The following MAML3 variants were observed in gnomAD, a reference collection of about 807,000 sequenced individuals.
MAML3 encodes mastermind-like protein 3.
A neutral mutation model predicts 101.9 loss-of-function variants in MAML3; 27 were observed. That is an observed-to-expected ratio of 0.27 (90% CI 0.20 to 0.37). MAML3 has a LOEUF of 0.37. MAML3 is among the 10% of genes least tolerant of loss of function. The probability of loss-of-function intolerance (pLI) is 1.00; values close to 1 mark genes in which losing one functional copy is unlikely to be tolerated. For synonymous variants in MAML3, 501 were observed against 555.9 expected (o/e 0.90, Z 1.39); for missense variants, 1,316 against 1,444.9 (o/e 0.91, Z 1.45).
chr4:139,992,588 C>T (rs527624506), intron 1 of MAML3, among the ~76,000 whole-genome samples: 17 of 152,072 alleles, frequency 1.1e-4, no homozygotes, highest in South Asian at 8.3e-4. Context: ...TGCAGTGGTG[C>T]GATCTCAGCT....
chr4:139,731,047 C>A (rs966666165), intron 2 of MAML3: 2 of 206,430 alleles, frequency 9.7e-6, no homozygotes, highest in Non-Finnish European at 2.0e-5. Flanking sequence ...CCTGACCTCA[C>A]CTGTTAATCC....
At chr4:139,864,407 G>A (rs187695651) in intron 2 of MAML3, among the ~76,000 whole-genome samples, 190 of 152,212 alleles carry the variant, frequency 1.2e-3, no homozygotes, top group African/African-American at 3.9e-3. Context: ...GGCCAGGTGC[G>A]GCGGCTCACG....
At chr4:139,933,089 A>C (rs1259043582) in intron 1 of MAML3, among the ~76,000 whole-genome samples, 1 of 152,154 alleles carries the variant, frequency 6.6e-6, no homozygotes, top group East Asian at 1.9e-4. Flanking sequence ...GAAACTAAGA[A>C]ATTCCTATGA....
chr4:140,054,248 A>G (rs1727315043), intron 1 of MAML3, among the ~76,000 whole-genome samples: 1 of 151,876 alleles, frequency 6.6e-6, no homozygotes, highest in South Asian at 2.1e-4. Context: ...GCATGCCTGT[A>G]ATCCCAGCTA....
intron 1 of MAML3, among the ~76,000 whole-genome samples, chr4:140,122,719 G>C (rs920666689): frequency 2.0e-5 from 3 of 150,904 alleles, no homozygotes; most frequent in African/African-American, 4.9e-5. Context: ...GTGAACCCGG[G>C]AGGCGGAGCT....
At chr4:140,089,771 G>A (rs1457727566) in intron 1 of MAML3, among the ~76,000 whole-genome samples, 1 of 152,142 alleles carries the variant, frequency 6.6e-6, no homozygotes, top group Non-Finnish European at 1.5e-5. Flanking sequence ...CTACAAAGGG[G>A]TAGCACGAGG....
At chr4:139,920,082 A>G (rs1305797557) in intron 1 of MAML3, among the ~76,000 whole-genome samples, 2 of 152,160 alleles carry the variant, frequency 1.3e-5, no homozygotes, top group Admixed American at 6.5e-5. Context: ...AATACATTTT[A>G]TTTTTAAATG....
chr4:139,968,618 C>T (rs1025372389), intron 1 of MAML3, among the ~76,000 whole-genome samples: 4 of 152,068 alleles, frequency 2.6e-5, no homozygotes. Flanking sequence ...CACAAACTCC[C>T]TGAGGTGGGT....
At chr4:139,933,278 C>T (rs941819876) in intron 1 of MAML3, among the ~76,000 whole-genome samples, 1 of 152,048 alleles carries the variant, frequency 6.6e-6, no homozygotes, top group African/African-American at 2.4e-5. Context: ...CTATATTTTC[C>T]CTGGTTGGCT....
In MAML3 at chr4:139,725,771, T is replaced by C; in HGVS notation, c.2396A>G (p.Gln799Arg). 2 of 1,614,002 alleles carry C rather than the reference T, an allele frequency of 1.2e-6. No homozygotes were observed. Among genetic ancestry groups the C allele is most frequent in the Non-Finnish European group, 1.7e-6 (2 of 1,179,886 alleles). The change falls in exon 4 of 5, where the codon CAG (glutamine) becomes CGG (arginine). Residue 799 changes from glutamine to arginine, a missense_variant. Gln to Arg is a conservative substitution (Grantham distance 43, BLOSUM62 1). Coordinates refer to ENST00000509479, the MANE Select transcript of MAML3 (RefSeq NM_018717.5). ...LQPQRNPYPV[Q>R]QVNQFQGSPQ... The stretch of plus-strand genomic sequence containing the variant: ...CTCACCTTGAAACTGATTGACCTGC[T>C]GCACTGGGTATGGATTCCGCTGTGG...
chr4:140,057,836 C>T (rs1169026120), intron 1 of MAML3, among the ~76,000 whole-genome samples: 4 of 152,060 alleles, frequency 2.6e-5, no homozygotes, highest in African/African-American at 7.2e-5. Flanking sequence ...GTTGCTTTCA[C>T]CCTGCTTCTA....
intron 2 of MAML3, among the ~76,000 whole-genome samples, chr4:139,798,848 A>C (rs759994882): frequency 7.2e-5 from 11 of 152,266 alleles, no homozygotes; most frequent in Non-Finnish European, 1.3e-4. Context: ...TGTCCAATTT[A>C]GCAGGGATGT....
chr4:140,097,679 G>A (rs1225953126), intron 1 of MAML3, among the ~76,000 whole-genome samples: 1 of 152,058 alleles, frequency 6.6e-6, no homozygotes, highest in Admixed American at 6.6e-5. Context: ...AGAGTTAAGT[G>A]GACAGAATGA....
chr4:139,983,859 T>C (rs1022815304), intron 1 of MAML3, among the ~76,000 whole-genome samples: 1 of 152,136 alleles, frequency 6.6e-6, no homozygotes, highest in Non-Finnish European at 1.5e-5. Flanking sequence ...GAGGGAATGG[T>C]CAGCACCCCC....
chr4:140,033,270 G>C (rs1012388937), intron 1 of MAML3, among the ~76,000 whole-genome samples: 1 of 152,168 alleles, frequency 6.6e-6, no homozygotes, highest in African/African-American at 2.4e-5. Context: ...ATAAACATAT[G>C]AAAAGATGAC....
At chr4:139,865,348 G>A (rs1436629707) in intron 2 of MAML3, among the ~76,000 whole-genome samples, 1 of 152,100 alleles carries the variant, frequency 6.6e-6, no homozygotes, top group Non-Finnish European at 1.5e-5. Flanking sequence ...AGAGGGGAAG[G>A]TGCAGAAATA....
intron 1 of MAML3, among the ~76,000 whole-genome samples, chr4:140,045,378 G>C (rs1320042322): frequency 8.0e-6 from 1 of 124,550 alleles, no homozygotes; most frequent in Non-Finnish European, 1.6e-5. Context: ...CTGGGCGACA[G>C]AGCAAGACTC....
At position 139,750,564 on chromosome 4, in the gene MAML3, G is replaced by A. The variant is rs181977307; in HGVS notation, c.2080-19897C>T. Among the ~76,000 whole-genome samples, 12 of 152,174 alleles carry A rather than the reference G, an allele frequency of 7.9e-5. No homozygotes were observed. The East Asian group carries it at 1.9e-3, about 24-fold the overall frequency. ...TTGAGCTGTATCTGAACCATATTACGCCACATGATGAAACTCGACACACTG... is the reference window on the plus strand; with the variant it reads ...TTGAGCTGTATCTGAACCATATTACACCACATGATGAAACTCGACACACTG... On this transcript the variant is annotated intron_variant, in intron 2 of 4. Transcript: ENST00000509479.
At chr4:139,823,292 C>A (rs1731006061) in intron 2 of MAML3, among the ~76,000 whole-genome samples, 1 of 152,206 alleles carries the variant, frequency 6.6e-6, no homozygotes, top group South Asian at 2.1e-4. Context: ...CAGCTGAGAA[C>A]CCTGAACTGA....
Sources: allele counts gnomAD v4.1 joint callset (sites outside exome capture counted in the v4.1 genomes callset), GRCh38; gene constraint gnomAD v4.1.1; transcripts MANE v1.5; gene names NCBI Gene and HGNC (gene_info 2026-07-23, HGNC 2026-07-21).